The following ATAD3C variants were observed in gnomAD, a reference collection of about 807,000 sequenced individuals.
ATAD3C encodes the protein ATPase family AAA domain containing 3C, also known as ATPase family AAA domain-containing protein 3C.
Under a neutral mutation model 46.3 loss-of-function variants are expected in ATAD3C, and 38 were observed. The observed-to-expected ratio is 0.82, with a 90% confidence interval of 0.63 to 1.08. ATAD3C has a LOEUF of 1.08. ATAD3C is among the 50% of genes least tolerant of loss of function. ATAD3C has a pLI of 0.00. For synonymous variants in ATAD3C, 220 were observed against 236.4 expected (o/e 0.93, Z 0.63); for missense variants, 563 against 572.7 (o/e 0.98, Z 0.17).
intron 11 of ATAD3C, among the ~76,000 whole-genome samples, chr1:1,463,526 A>G (rs559119295): frequency 6.6e-6 from 1 of 151,838 alleles, no homozygotes; most frequent in African/African-American, 2.4e-5. Context: ...GTGACAAAGA[A>G]CCCCAGATCT....
rs1638821837 is a variant in ATAD3C, at chr1:1,449,701, C to CT, written c.-982dup. The CT allele has an allele frequency of 6.6e-6, 1 of 151,972 alleles. No individual in the cohort carries two copies. The highest frequency in any genetic ancestry group is 2.4e-5 in the African/African-American group (1 of 41,408). 9.4% of individuals were successfully genotyped at this position (151,972 alleles called of 1,614,324 possible). On this transcript the variant is annotated 5_prime_UTR_variant, in exon 1 of 12. An upstream open reading frame in the 5' UTR gains an earlier in-frame stop. Coordinates refer to ENST00000378785, the MANE Select transcript of ATAD3C (RefSeq NM_001039211.3). ...ATTCTTTAATCCCCTTCATGATTAA[C>CT]TCCCCAAGGTCCTGCATATTTTCTC...
chr1:1,461,406 T>C (rs1375565881), intron 10 of ATAD3C, among the ~76,000 whole-genome samples: 1 of 152,018 alleles, frequency 6.6e-6, no homozygotes, highest in Non-Finnish European at 1.5e-5. Flanking sequence ...CAGGCTGGTC[T>C]TGAACCCCTG....
At chr1:1,454,232 G>C in intron 3 of ATAD3C, 113 bp from the exon 4 acceptor site, 2 of 1,466,230 alleles carry the variant, frequency 1.4e-6, no homozygotes, top group African/African-American at 1.4e-5. Context: ...CCAGCACACG[G>C]CCCTGTGCTT....
Position 1,460,739 on chromosome 1 carries a change from C to A in ATAD3C, c.813-11C>A. The A allele has an allele frequency of 1.3e-6, 2 of 1,595,790 alleles. No homozygotes were observed. Among genetic ancestry groups the A allele is most frequent in the Non-Finnish European group, 1.7e-6 (2 of 1,170,394 alleles). On this transcript the variant is annotated splice_polypyrimidine_tract_variant and intron_variant, in intron 9 of 11. Transcript: ENST00000378785. ...AGCCCCAGCGTTTCCTTCCCCATCC[C>A]CGCCCCGCAGATTCATGCTGATCCT...
Position 1,457,143 on chromosome 1 carries a change from T to C in ATAD3C, c.704T>C (p.Val235Ala). The C allele has an allele frequency of 6.2e-7, 1 of 1,613,490 alleles. No individual in the cohort carries two copies. The highest frequency in any genetic ancestry group is 8.5e-7 in the Non-Finnish European group (1 of 1,179,630). The change falls in exon 8 of 12, where the codon GTG becomes GCG. Residue 235 changes from valine to alanine, a missense_variant. Around this residue, in one of 3 missense-constraint regions of ATAD3C, gnomAD observed 273 missense variants for 253.5 expected, o/e 1.08. Transcript: ENST00000378785. ...NTSRRGLLLF[V>A]DEADAFLRKR... Reference sequence around the variant, plus strand: ...CTCGTCCACAGCCTCCTGCTCTTTGTGGATGAAGCGGACGCCTTCCTTCGG... The same window carrying C: ...CTCGTCCACAGCCTCCTGCTCTTTGCGGATGAAGCGGACGCCTTCCTTCGG...
chr1:1,451,681 A>T (rs1638861234), intron 1 of ATAD3C, among the ~76,000 whole-genome samples: 1 of 152,068 alleles, frequency 6.6e-6, no homozygotes, highest in Non-Finnish European at 1.5e-5. Flanking sequence ...GGCGGGGTTC[A>T]CGTGTTGCCT....
chr1:1,455,618 C>CT (rs1331616118), intron 5 of ATAD3C, 99 bp downstream of exon 5: 1 of 1,584,652 alleles, frequency 6.3e-7, no homozygotes, highest in African/African-American at 1.4e-5. Flanking sequence ...CGCCCAGGAT[C>CT]TTTTGGGTCC....
intron 9 of ATAD3C, among the ~76,000 whole-genome samples, chr1:1,460,268 G>C (rs1458953307): frequency 6.6e-6 from 1 of 151,836 alleles, no homozygotes; most frequent in Admixed American, 6.6e-5. Flanking sequence ...TTTTAGTAGA[G>C]ATGGGGTTTC....
chr1:1,451,680 C>G (rs193210714), intron 1 of ATAD3C, among the ~76,000 whole-genome samples: 1 of 152,060 alleles, frequency 6.6e-6, no homozygotes, highest in African/African-American at 2.4e-5. Flanking sequence ...AGGCGGGGTT[C>G]ACGTGTTGCC....
At chr1:1,466,381 T>C (rs1639142783) in intron 11 of ATAD3C, among the ~76,000 whole-genome samples, 1 of 151,372 alleles carries the variant, frequency 6.6e-6, no homozygotes, top group Non-Finnish European at 1.5e-5. Flanking sequence ...TGAAACCCTG[T>C]CTCTACTAAA....
chr1:1,466,263 A>G (rs1639140358), intron 11 of ATAD3C, among the ~76,000 whole-genome samples: 1 of 150,760 alleles, frequency 6.6e-6, no homozygotes, highest in African/African-American at 2.4e-5. Flanking sequence ...AAAAAAAAAA[A>G]ATGGCTGGGC....
chr1:1,460,115 C>G (rs1639031527), intron 9 of ATAD3C, among the ~76,000 whole-genome samples: 1 of 150,686 alleles, frequency 6.6e-6, no homozygotes, highest in African/African-American at 2.4e-5. Flanking sequence ...TTTTTCTGCC[C>G]AGGCTGAGGT....
At chr1:1,453,961 C>T (rs74314585) in intron 3 of ATAD3C, among the ~76,000 whole-genome samples, 25,495 of 151,766 alleles carry the variant, frequency 0.17, 2,605 homozygotes, top group East Asian at 0.37. Flanking sequence ...ATTTTTAAAA[C>T]GAGTTAGAGA....
At chr1:1,455,643 T>C (rs1208430853) in intron 5 of ATAD3C, 124 bp downstream of exon 5, 9 of 1,567,126 alleles carry the variant, frequency 5.7e-6, no homozygotes, top group Non-Finnish European at 7.8e-6. Flanking sequence ...ATGCGACTGC[T>C]TGGACCGTGC....
At chr1:1,456,495 C>T (rs1301146301) in intron 7 of ATAD3C, 146 bp downstream of exon 7, 1 of 658,706 alleles carries the variant, frequency 1.5e-6, no homozygotes, top group Admixed American at 3.6e-5. Flanking sequence ...TGGAGGGTCC[C>T]TCGGAGGGAA....
intron 11 of ATAD3C, among the ~76,000 whole-genome samples, chr1:1,464,276 C>T (rs1424880756): frequency 2.0e-5 from 3 of 151,656 alleles, no homozygotes; most frequent in Non-Finnish European, 4.4e-5. Flanking sequence ...GCGTGTGTGC[C>T]CACAGCTCTG....
chr1:1,458,495 G>GTCCCGAAC (rs1490451399), intron 8 of ATAD3C, among the ~76,000 whole-genome samples: 3 of 151,454 alleles, frequency 2.0e-5, no homozygotes, highest in Admixed American at 1.3e-4. Context: ...GGTCAGGCTA[G>GTCCCGAAC]TCCCGAACTC....
Position 1,462,128 on chromosome 1 carries a change from C to G in ATAD3C, c.981-472C>G, listed in dbSNP as rs1639078578. 2.0e-5 allele frequency among the ~76,000 whole-genome samples: 3 copies of G among 152,044 alleles called. No homozygotes were observed. The South Asian group carries it at 6.2e-4, about 32-fold the overall frequency. ...AAAAGCTGCTCTGTTCCAAAGAGAG[C>G]CTGGTTCTCCCCTGCCGACCCCTCC... On this transcript the variant is annotated intron_variant, in intron 10 of 11. Transcript: ENST00000378785. The surrounding 1 kb of genome is among the most constrained non-coding windows in gnomAD (Gnocchi z 4.5).
intron 10 of ATAD3C, among the ~76,000 whole-genome samples, chr1:1,461,657 G>A (rs1570155623): frequency 6.6e-6 from 1 of 150,870 alleles, no homozygotes; most frequent in East Asian, 1.9e-4. Context: ...ACTGGAGGGA[G>A]AGGCTCCTCA....
Sources: allele counts gnomAD v4.1 joint callset (sites outside exome capture counted in the v4.1 genomes callset), GRCh38; gene constraint gnomAD v4.1.1; regional missense constraint gnomAD v4.1.1; non-coding constraint Gnocchi (gnomAD v3.1); transcripts MANE v1.5; gene names NCBI Gene and HGNC (gene_info 2026-07-23, HGNC 2026-07-21).